TUSC3: variants seen among roughly 807,000 people sequenced by gnomAD.
TUSC3 encodes the protein dolichyl-diphosphooligosaccharide--protein glycosyltransferase subunit TUSC3.
TUSC3 carries 45 observed loss-of-function variants against 44.8 expected under a neutral mutation model. The ratio of observed to expected loss-of-function variants is 1.00; its 90% CI spans 0.79 to 1.29. TUSC3 has a LOEUF of 1.29. Ranked by LOEUF, TUSC3 falls within the 50% of genes most tolerant of loss-of-function variation. TUSC3 has a pLI of 0.00. For synonymous variants in TUSC3, 212 were observed against 152.9 expected, an observed-to-expected ratio of 1.39 and a Z score of -2.85; for missense variants, 519 against 437.9, an observed-to-expected ratio of 1.19 and a Z score of -1.65.
intron 1 of TUSC3, among the ~76,000 whole-genome samples, chr8:15,443,180 T>G (rs1412041629): frequency 2.0e-5 from 3 of 152,038 alleles, no homozygotes; most frequent in Non-Finnish European, 4.4e-5. Context: ...TCCTTTCTTT[T>G]TTTTAGAAGG....
intron 2 of TUSC3, among the ~76,000 whole-genome samples, chr8:15,645,903 C>G (rs2129173661): frequency 6.6e-6 from 1 of 152,136 alleles, no homozygotes; most frequent in Non-Finnish European, 1.5e-5. Flanking sequence ...TGTAGACTCT[C>G]TAGAATTCAG....
At chr8:15,678,560 C>T (rs1374588414) in intron 6 of TUSC3, among the ~76,000 whole-genome samples, 1 of 152,062 alleles carries the variant, frequency 6.6e-6, no homozygotes, top group Non-Finnish European at 1.5e-5. Flanking sequence ...TGTAAACAAT[C>T]CTTCAGAATA....
intron 2 of TUSC3, among the ~76,000 whole-genome samples, chr8:15,649,353 G>A (rs1806780119): frequency 6.6e-6 from 1 of 152,036 alleles, no homozygotes; most frequent in African/African-American, 2.4e-5. Context: ...GGGAGGCCGA[G>A]GCGGGCAGAT....
chr8:15,710,325 C>G (rs1483789597), intron 6 of TUSC3, among the ~76,000 whole-genome samples: 3 of 151,786 alleles, frequency 2.0e-5, no homozygotes, highest in Non-Finnish European at 2.9e-5. Context: ...GGAATGTAAA[C>G]TTAAATTTCT....
rs543238941 is a variant in TUSC3 at position 15,590,790 on chromosome 8, G to A, written c.139-32290G>A. Among the ~76,000 whole-genome samples, 40 of 152,028 alleles carry A rather than the reference G, an allele frequency of 2.6e-4. No homozygotes were observed. In the South Asian group the frequency reaches 8.3e-3, roughly 32 times the overall value. On this transcript the variant is annotated intron_variant, in intron 1 of 10. Transcript: ENST00000503731. ...GGGCTCAGGCAGTCCTCTCACCACA[G>A]CCACCCAAGTAGCTGGCACAACAGG... is the stretch of plus-strand genomic sequence containing the variant.
chr8:15,813,641 A>T, the TUSC3 span, among the ~76,000 whole-genome samples: 1 of 152,232 alleles, frequency 6.6e-6, no homozygotes, highest in Non-Finnish European at 1.5e-5. Context: ...TCATTTTTAT[A>T]TATTAATCTA....
At chr8:15,603,787 ATTT>A (rs58924258) in intron 1 of TUSC3, among the ~76,000 whole-genome samples, 1 of 148,754 alleles carries the variant, frequency 6.7e-6, no homozygotes, top group Non-Finnish European at 1.5e-5. Context: ...TGCTAATTCT[ATTT>A]TTTTTTTGCC....
intron 1 of TUSC3, among the ~76,000 whole-genome samples, chr8:15,562,857 G>C (rs1802530108): frequency 6.6e-6 from 1 of 152,120 alleles, no homozygotes; most frequent in South Asian, 2.1e-4. Flanking sequence ...CTGATTAGGT[G>C]AGGCTAATCC....
the TUSC3 span, among the ~76,000 whole-genome samples, chr8:15,834,084 A>G: frequency 6.6e-6 from 1 of 152,090 alleles, no homozygotes; most frequent in East Asian, 2.0e-4. Context: ...TATTTTTCTT[A>G]TAGTACTCTT....
the TUSC3 span, among the ~76,000 whole-genome samples, chr8:15,792,726 G>A: frequency 1.3e-5 from 2 of 151,858 alleles, no homozygotes; most frequent in Non-Finnish European, 2.9e-5. Context: ...AGTGATTATG[G>A]TGCCTCAGCT....
At chr8:15,477,387 A>G (rs1253614079) in intron 1 of TUSC3, among the ~76,000 whole-genome samples, 1 of 152,200 alleles carries the variant, frequency 6.6e-6, no homozygotes, top group South Asian at 2.1e-4. Context: ...CTTGCAATCA[A>G]CTAACTAGGA....
chr8:15,543,620 G>A (rs1801762925), intron 1 of TUSC3, among the ~76,000 whole-genome samples: 1 of 151,868 alleles, frequency 6.6e-6, no homozygotes, highest in Non-Finnish European at 1.5e-5. Context: ...AAAATGCTTA[G>A]TGCAATGCGT....
chr8:15,643,451 C>G (rs977631172), intron 2 of TUSC3, among the ~76,000 whole-genome samples: 8 of 149,372 alleles, frequency 5.4e-5, no homozygotes, highest in Non-Finnish European at 8.9e-5. Flanking sequence ...CTTTGACTTT[C>G]AAAAACTGAG....
the TUSC3 span, among the ~76,000 whole-genome samples, chr8:15,782,737 C>G: frequency 6.6e-6 from 1 of 152,100 alleles, no homozygotes; most frequent in African/African-American, 2.4e-5. Flanking sequence ...GAATGTTCCT[C>G]AACAAAATAA....
the TUSC3 span, among the ~76,000 whole-genome samples, chr8:15,848,801 T>G: frequency 6.6e-6 from 1 of 152,306 alleles, no homozygotes; most frequent in South Asian, 2.1e-4. Flanking sequence ...AATAACTTCT[T>G]TGGGACCAAC....
At chr8:15,617,479 C>G (rs1366365995) in intron 1 of TUSC3, among the ~76,000 whole-genome samples, 1 of 152,068 alleles carries the variant, frequency 6.6e-6, no homozygotes, top group Non-Finnish European at 1.5e-5. Context: ...ATGGATGCCT[C>G]CAACTCCTGT....
intron 9 of TUSC3, among the ~76,000 whole-genome samples, chr8:15,756,032 G>T (rs1485068456): frequency 6.6e-6 from 1 of 152,062 alleles, no homozygotes; most frequent in African/African-American, 2.4e-5. Flanking sequence ...CTGTCACTTT[G>T]CTTCCTAACT....
At chr8:15,743,757 C>A in intron 8 of TUSC3, 145 bp downstream of exon 8, 1 of 903,044 alleles carries the variant, frequency 1.1e-6, no homozygotes. Flanking sequence ...TTTTCTATTG[C>A]TGGGATGTGT....
At chr8:15,453,947 C>T (rs1800224338) in intron 1 of TUSC3, among the ~76,000 whole-genome samples, 1 of 152,114 alleles carries the variant, frequency 6.6e-6, no homozygotes, top group South Asian at 2.1e-4. Flanking sequence ...GGCAAGTGGG[C>T]TCAAGCATGT....
Sources: gnomAD v4.1 joint callset for allele counts (sites outside exome capture counted in the v4.1 genomes callset) on GRCh38, gnomAD v4.1.1 for gene constraint, MANE v1.5 for transcripts, NCBI Gene and HGNC (gene_info 2026-07-23, HGNC 2026-07-21) for gene names.